Variants in LRRC4C observed in about 807,000 individuals in gnomAD.
LRRC4C encodes the protein leucine-rich repeat-containing protein 4C.
In LRRC4C, 5 loss-of-function variants were observed where a neutral mutation model predicts 33.6. That is an observed-to-expected ratio of 0.15 (90% CI 0.08 to 0.31). The LOEUF (loss-of-function observed/expected upper bound fraction) is 0.31, where lower values mean the gene tolerates loss of function less well. Ranked by LOEUF, LRRC4C falls within the 10% of genes least tolerant of loss-of-function variation. LRRC4C has a pLI of 1.00. For synonymous variants in LRRC4C, 329 were observed against 302.0 expected (o/e 1.09, Z -0.93); for missense variants, 560 against 796.7 (o/e 0.70, Z 3.58).
At chr11:41,117,496 T>C (rs1942196621) in intron 1 of LRRC4C, among the ~76,000 whole-genome samples, 1 of 152,168 alleles carries the variant, frequency 6.6e-6, no homozygotes, top group Non-Finnish European at 1.5e-5. Flanking sequence ...TGCAATTTTA[T>C]TTATGTATGT....
At chr11:41,101,089 A>G (rs1381812851) in intron 1 of LRRC4C, among the ~76,000 whole-genome samples, 3 of 152,172 alleles carry the variant, frequency 2.0e-5, no homozygotes, top group Non-Finnish European at 1.5e-5. Context: ...TAGACAGAGG[A>G]ACTGGCAAAG....
chr11:40,597,756 T>A (rs1294537348), intron 3 of LRRC4C, among the ~76,000 whole-genome samples: 1 of 152,180 alleles, frequency 6.6e-6, no homozygotes, highest in Non-Finnish European at 1.5e-5. Context: ...TTTCTGTGCC[T>A]TTTCCTCTTG....
At chr11:41,289,804 G>A (rs1949940227) in intron 1 of LRRC4C, among the ~76,000 whole-genome samples, 1 of 152,134 alleles carries the variant, frequency 6.6e-6, no homozygotes, top group South Asian at 2.1e-4. Context: ...GAAAAACAAG[G>A]ACAACAGAAT....
intron 3 of LRRC4C, among the ~76,000 whole-genome samples, chr11:40,439,509 A>G (rs1396526799): frequency 6.8e-6 from 1 of 146,680 alleles, no homozygotes; most frequent in East Asian, 2.0e-4. Flanking sequence ...GCTGGAGTGC[A>G]GTGGTGCAAT....
At chr11:40,853,730 G>C (rs1316316146) in intron 2 of LRRC4C, among the ~76,000 whole-genome samples, 1 of 152,154 alleles carries the variant, frequency 6.6e-6, no homozygotes, top group African/African-American at 2.4e-5. Flanking sequence ...GCAATGATTA[G>C]AGGACTGAAC....
At chr11:40,958,816 C>T (rs942587213) in intron 1 of LRRC4C, among the ~76,000 whole-genome samples, 1 of 151,676 alleles carries the variant, frequency 6.6e-6, no homozygotes, top group Non-Finnish European at 1.5e-5. Flanking sequence ...TACAGGATTA[C>T]AACAGGAAGA....
intron 1 of LRRC4C, among the ~76,000 whole-genome samples, chr11:41,309,744 G>A (rs1052448557): frequency 2.6e-5 from 4 of 152,236 alleles, no homozygotes; most frequent in South Asian, 2.1e-4. Context: ...TCAATTCCAC[G>A]CTGAGCTCTT....
chr11:40,684,250 T>A (rs1004950103), intron 2 of LRRC4C, among the ~76,000 whole-genome samples: 3 of 151,998 alleles, frequency 2.0e-5, no homozygotes, highest in African/African-American at 7.2e-5. Context: ...ATAAAGTAAT[T>A]CAATTTTTGA....
At chr11:41,323,181 T>C (rs1951008018) in intron 1 of LRRC4C, among the ~76,000 whole-genome samples, 1 of 152,176 alleles carries the variant, frequency 6.6e-6, no homozygotes, top group Non-Finnish European at 1.5e-5. Flanking sequence ...TTTCTTTTAA[T>C]CTATTGCCCC....
chr11:40,246,243 C>T (rs566660631), intron 4 of LRRC4C, among the ~76,000 whole-genome samples: 4 of 152,008 alleles, frequency 2.6e-5, no homozygotes, highest in South Asian at 2.1e-4. Context: ...AAAAGTGCTG[C>T]GATTACAGGC....
intron 4 of LRRC4C, among the ~76,000 whole-genome samples, chr11:40,280,646 T>C (rs1943411828): frequency 6.6e-6 from 1 of 152,162 alleles, no homozygotes; most frequent in Non-Finnish European, 1.5e-5. Flanking sequence ...CTGCAATGCA[T>C]GCTAATCCTT....
intron 3 of LRRC4C, among the ~76,000 whole-genome samples, chr11:40,521,768 T>G (rs1356510258): frequency 1.3e-5 from 2 of 151,004 alleles, no homozygotes; most frequent in Non-Finnish European, 3.0e-5. Context: ...ACTTGGGAGG[T>G]TGAGGCAGGA....
At chr11:40,517,124 C>T (rs1315423255) in intron 3 of LRRC4C, among the ~76,000 whole-genome samples, 1 of 152,160 alleles carries the variant, frequency 6.6e-6, no homozygotes, top group East Asian at 1.9e-4. Context: ...TACCTCTGGA[C>T]ATTTCAGGAT....
chr11:41,453,880 T>G (rs1956101842), intron 1 of LRRC4C, among the ~76,000 whole-genome samples: 1 of 152,102 alleles, frequency 6.6e-6, no homozygotes, highest in Admixed American at 6.6e-5. Flanking sequence ...TTCTGATGCT[T>G]AAGGCTGTGG....
intron 3 of LRRC4C, among the ~76,000 whole-genome samples, chr11:40,498,067 A>G (rs1315643884): frequency 1.3e-5 from 2 of 152,196 alleles, no homozygotes; most frequent in Non-Finnish European, 2.9e-5. Context: ...TTAATTCCTT[A>G]ATTTTAGCAA....
rs72895041 is a variant in LRRC4C, at chr11:40,366,277, A to G, written c.-269-46556T>C. Among the ~76,000 whole-genome samples the G allele has an allele frequency of 4.0e-3, 608 of 152,218 alleles. 2 individuals carry two copies. The highest frequency in any genetic ancestry group is 6.8e-3 in the Non-Finnish European group (461 of 67,934). On this transcript the variant is annotated intron_variant, in intron 3 of 6. Transcript: ENST00000528697. ...TGGATAATAAACTGTATTCATATTT[A>G]ACTCAGAATTAATTAACAATGGCTT...
chr11:40,771,921 G>A (rs1490251418), intron 2 of LRRC4C, among the ~76,000 whole-genome samples: 4 of 152,160 alleles, frequency 2.6e-5, no homozygotes, highest in Non-Finnish European at 5.9e-5. Context: ...TCCAAAGGGA[G>A]TTCCAAACTT....
chr11:40,437,398 T>C (rs984958438), intron 3 of LRRC4C, among the ~76,000 whole-genome samples: 1 of 144,300 alleles, frequency 6.9e-6, no homozygotes, highest in Non-Finnish European at 1.5e-5. Flanking sequence ...TCTTTTTTTC[T>C]TTTTTTTTTT....
chr11:41,275,625 T>C (rs1457675431), intron 1 of LRRC4C, among the ~76,000 whole-genome samples: 1 of 152,178 alleles, frequency 6.6e-6, no homozygotes, highest in Non-Finnish European at 1.5e-5. Context: ...GGCCCTACAG[T>C]TCCAATGTTA....
Sources: allele counts gnomAD v4.1 joint callset (sites outside exome capture counted in the v4.1 genomes callset), GRCh38; gene constraint gnomAD v4.1.1; transcripts MANE v1.5; gene names NCBI Gene and HGNC (gene_info 2026-07-23, HGNC 2026-07-21).